WTIP: variants seen among roughly 807,000 people sequenced by gnomAD.
The protein encoded by WTIP is WT1 interacting protein.
A neutral mutation model predicts 41.7 loss-of-function variants in WTIP; 23 were observed. That is an observed-to-expected ratio of 0.55 (90% CI 0.40 to 0.78). WTIP has a LOEUF of 0.78. WTIP is among the 30% of genes least tolerant of loss of function. The pLI is 0.00. For missense variants in WTIP, 619 were observed against 610.5 expected (o/e 1.01, Z -0.15); for synonymous variants, 314 against 269.9 (o/e 1.16, Z -1.60).
Position 34,506,303 on chromosome 19 carries a change from G to T in WTIP, c.*6034G>T, listed in dbSNP as rs1462093633. On this transcript the variant is annotated 3_prime_UTR_variant, in exon 8 of 8. Transcript: ENST00000590071. Reference sequence around the variant, plus strand: ...CTGTCCTTCCACAGTGTGCACTGAGGGTGCAGGCCAAACCTTTTAAAGAAT... The same window carrying T: ...CTGTCCTTCCACAGTGTGCACTGAGTGTGCAGGCCAAACCTTTTAAAGAAT... The T allele has an allele frequency of 6.6e-6, 1 of 152,088 alleles. No homozygotes were observed. Among genetic ancestry groups the T allele is most frequent in the Non-Finnish European group, 1.5e-5 (1 of 68,018 alleles). The allele number at this position is 152,088 out of a possible 1,614,324, so 9.4% of individuals were successfully genotyped here. A position where few individuals can be genotyped will look rare whatever the true frequency, so the allele number is the denominator to read the frequency against.
intron 1 of WTIP, among the ~76,000 whole-genome samples, chr19:34,486,301 GGA>G (rs2075796851): frequency 6.6e-6 from 1 of 151,960 alleles, no homozygotes; most frequent in Non-Finnish European, 1.5e-5. Flanking sequence ...CAGGACTGTG[GGA>G]GGTTTGTCAT....
At position 34,482,611 on chromosome 19, in the gene WTIP, C is replaced by T; in HGVS notation, c.637C>T (p.Leu213Phe). 4.1e-6 allele frequency: 5 copies of T among 1,229,940 alleles called. No individual in the cohort carries two copies. Among genetic ancestry groups the T allele is most frequent in the Non-Finnish European group, 5.1e-6 (5 of 986,964 alleles). The allele number at this position is 1,229,940 out of a possible 1,614,324, so 76.2% of individuals were successfully genotyped here. The change falls in exon 1 of 8, where the codon CTC becomes TTC. Residue 213 changes from leucine (L) to phenylalanine (F), a missense_variant. Around this residue, in one of 3 missense-constraint regions of WTIP, gnomAD observed 363 missense variants for 309.0 expected, o/e 1.17. Transcript: ENST00000590071. Reference protein sequence around the residue: ...EALTRELERALEARTARDYFG... With the variant: ...EALTRELERAFEARTARDYFG... ...GCTCACCCGGGAGCTGGAGCGGGCGCTCGAGGCGCGCACGGCGCGGGACTA... is the reference window on the plus strand; with the variant it reads ...GCTCACCCGGGAGCTGGAGCGGGCGTTCGAGGCGCGCACGGCGCGGGACTA...
rs2075914362 is a variant in WTIP at position 34,506,953 on chromosome 19, G to A, written c.*6684G>A. Reference sequence around the variant, plus strand: ...TGTGTTCAGCCTGGCCGGGCGCGGTGGCTCACGCCTGTAATCCCAGCACTT... The same window carrying A: ...TGTGTTCAGCCTGGCCGGGCGCGGTAGCTCACGCCTGTAATCCCAGCACTT... On this transcript the variant is annotated 3_prime_UTR_variant, in exon 8 of 8. Coordinates refer to ENST00000590071, the MANE Select transcript of WTIP (RefSeq NM_001080436.2). 1.3e-5 allele frequency: 2 copies of A among 151,988 alleles called. No individual in the cohort carries two copies. Among genetic ancestry groups the A allele is most frequent in the South Asian group, 4.1e-4 (2 of 4,826 alleles). 9.4% of individuals were successfully genotyped at this position (151,988 alleles called of 1,614,324 possible).
chr19:34,493,650 G>A lies in WTIP; in HGVS notation c.1031+28G>A, dbSNP rs572309155. 22 of 1,612,168 alleles carry A rather than the reference G, an allele frequency of 1.4e-5. No individual in the cohort carries two copies. Among genetic ancestry groups the A allele is most frequent in the Non-Finnish European group, 1.7e-5 (20 of 1,179,400 alleles). On this transcript the variant is annotated intron_variant, in intron 5 of 7. Transcript: ENST00000590071. This position sits in a 1 kb window ranked among gnomAD's most constrained non-coding sequence, Gnocchi z 4.1. Reference sequence around the variant, plus strand: ...GAGTTGCTGGTGCTGTGGAGCAGGCGGGACTCGGGCCGTCCTCCCTGGCTC... The same window carrying A: ...GAGTTGCTGGTGCTGTGGAGCAGGCAGGACTCGGGCCGTCCTCCCTGGCTC...
chr19:34,483,218 C>T (rs1219399107), intron 1 of WTIP, among the ~76,000 whole-genome samples: 1 of 143,796 alleles, frequency 7.0e-6, no homozygotes, highest in Non-Finnish European at 1.5e-5. Context: ...GAGACAGAGT[C>T]TCCCTATGTT....
At chr19:34,483,183 CTTTTTT>C (rs10611262) in intron 1 of WTIP, among the ~76,000 whole-genome samples, 2 of 102,602 alleles carry the variant, frequency 1.9e-5, no homozygotes, top group African/African-American at 3.5e-5. Context: ...CTTCTTCTTA[CTTTTTT>C]TTTTTTTTTT....
chr19:34,489,597 C>T (rs989032064), intron 1 of WTIP, among the ~76,000 whole-genome samples: 10 of 149,966 alleles, frequency 6.7e-5, no homozygotes, highest in African/African-American at 2.5e-4. Context: ...TTCCCTCAGT[C>T]CAAGAGCAGG....
At position 34,500,291 on chromosome 19, in the gene WTIP, G is replaced by A; in HGVS notation, c.*22G>A. The A allele has an allele frequency of 6.3e-7, 1 of 1,587,952 alleles. No homozygotes were observed. Among genetic ancestry groups the A allele is most frequent in the Non-Finnish European group, 8.5e-7 (1 of 1,170,104 alleles). On this transcript the variant is annotated 3_prime_UTR_variant, in exon 8 of 8. Transcript: ENST00000590071. ...CTGAGCAGGGGAAAACCCGTCCCTG[G>A]GCCGGGGTGGGTGTGGGTGTGGAGG...
In WTIP at chr19:34,501,759, A is replaced by T. The variant is rs1468295969; in HGVS notation, c.*1490A>T. ...GCGCCACCTGGTGGGCTGAGCCGGC[A>T]AGTACAGGGGTGGTCAGGGAGCCTT... is the stretch of plus-strand genomic sequence containing the variant. On this transcript the variant is annotated 3_prime_UTR_variant, in exon 8 of 8. Coordinates refer to ENST00000590071, the MANE Select transcript of WTIP (RefSeq NM_001080436.2). 1 of 152,404 alleles carries T rather than the reference A, an allele frequency of 6.6e-6. No individual in the cohort carries two copies. The highest frequency in any genetic ancestry group is 6.5e-5 in the Admixed American group (1 of 15,288). 9.4% of individuals were successfully genotyped at this position (152,404 alleles called of 1,614,324 possible). A position where few individuals can be genotyped will look rare whatever the true frequency, so the allele number is the denominator to read the frequency against.
At chr19:34,483,443 G>A (rs529500891) in intron 1 of WTIP, among the ~76,000 whole-genome samples, 24 of 152,300 alleles carry the variant, frequency 1.6e-4, no homozygotes, top group Non-Finnish European at 2.4e-4. Context: ...GACAGCAACC[G>A]GGAGATGGAG....
chr19:34,486,935 A>T (rs1239684002), intron 1 of WTIP, among the ~76,000 whole-genome samples: 1 of 145,712 alleles, frequency 6.9e-6, no homozygotes, highest in African/African-American at 2.5e-5. Context: ...TTTCTTTTTA[A>T]TTTTTTTTTT....
At position 34,507,794 on chromosome 19, in the gene WTIP, C is replaced by A. The variant is rs1427408211; in HGVS notation, c.*7525C>A. ...GGTTATTTCACAGAGGAAGCCCGAG[C>A]TCCCTGCTGAAGATGATAAATGATG... On this transcript the variant is annotated 3_prime_UTR_variant, in exon 8 of 8. Coordinates refer to ENST00000590071, the MANE Select transcript of WTIP (RefSeq NM_001080436.2). 2.6e-5 allele frequency: 4 copies of A among 152,260 alleles called. No homozygotes were observed. Among genetic ancestry groups the A allele is most frequent in the African/African-American group, 9.7e-5 (4 of 41,438 alleles). 9.4% of individuals were successfully genotyped at this position (152,260 alleles called of 1,614,324 possible).
intron 6 of WTIP, 65 bp downstream of exon 6, chr19:34,494,702 T>C (rs1599959042): frequency 6.4e-7 from 1 of 1,558,442 alleles, no homozygotes; most frequent in African/African-American, 1.4e-5. Flanking sequence ...CTGTCTAGCC[T>C]GGGTCTAGCC....
rs929454921 is a variant in WTIP at position 34,482,533 on chromosome 19, C to T, written c.559C>T (p.Leu187=). 1 of 1,229,240 alleles carries T rather than the reference C, an allele frequency of 8.1e-7. No homozygotes were observed. The highest frequency in any genetic ancestry group is 3.9e-5 in the South Asian group (1 of 25,636). 76.1% of individuals were successfully genotyped at this position (1,229,240 alleles called of 1,614,324 possible). Reference sequence around the variant, plus strand: ...TCCCTTCCCGCTGCCTGCACTCCCGCTGCCCCCTGGCCGGGAGGGCGGCCC... The same window carrying T: ...TCCCTTCCCGCTGCCTGCACTCCCGTTGCCCCCTGGCCGGGAGGGCGGCCC... The part of the protein sequence containing the change: ...PAPFPLPALP[L]PPGREGGPSA... The change falls in exon 1 of 8, where the codon CTG becomes TTG. Residue 187 remains leucine (L), a synonymous_variant. Coordinates refer to ENST00000590071, the MANE Select transcript of WTIP (RefSeq NM_001080436.2).
chr19:34,490,516 A>G, intron 2 of WTIP, 39 bp downstream of exon 2: 2 of 1,544,918 alleles, frequency 1.3e-6, no homozygotes, highest in South Asian at 1.2e-5. Flanking sequence ...TGTGAAGGGG[A>G]CCTGCCACAT....
chr19:34,484,658 G>A (rs1031105040), intron 1 of WTIP, among the ~76,000 whole-genome samples: 1 of 152,152 alleles, frequency 6.6e-6, no homozygotes, highest in African/African-American at 2.4e-5. Flanking sequence ...GGGGGAGGGG[G>A]GTGTTCTGTA....
In WTIP at chr19:34,493,120, G is replaced by A. The variant is rs1253477896; in HGVS notation, c.837+16G>A. The A allele has an allele frequency of 6.2e-7, 1 of 1,613,958 alleles. No individual in the cohort carries two copies. On this transcript the variant is annotated intron_variant, in intron 3 of 7. Coordinates refer to ENST00000590071, the MANE Select transcript of WTIP (RefSeq NM_001080436.2). This position sits in a 1 kb window ranked among gnomAD's most constrained non-coding sequence, Gnocchi z 4.1. ...GGACTTCCTGGTGAGTCCAAGCTGT[G>A]CCCTGGCAGTGCCAGGGGTGGGAGG...
Position 34,482,072 on chromosome 19 carries a change from G to C in WTIP, c.98G>C (p.Gly33Ala), listed in dbSNP as rs1370643922. ...CCCGGGTGCGGCTCTCCCGGTCGGG[G>C]GCGGCGGGGGCCGCGGCCTGGGCCT... The part of the protein sequence containing the change: ...LEPGCGSPGR[G>A]RRGPRPGPGD... Residue 33 changes from glycine (G) to alanine (A), a missense_variant, in exon 1 of 8, where the codon GGG (glycine) becomes GCG (alanine). Coordinates refer to ENST00000590071, the MANE Select transcript of WTIP (RefSeq NM_001080436.2). 2 of 1,035,632 alleles carry C rather than the reference G, an allele frequency of 1.9e-6. No individual in the cohort carries two copies. The highest frequency in any genetic ancestry group is 1.1e-4 in the Admixed American group (2 of 17,556). 64.2% of individuals were successfully genotyped at this position (1,035,632 alleles called of 1,614,324 possible).
chr19:34,488,204 T>C (rs1026396193), intron 1 of WTIP, among the ~76,000 whole-genome samples: 2 of 152,054 alleles, frequency 1.3e-5, no homozygotes, highest in Non-Finnish European at 2.9e-5. Flanking sequence ...GCCTCCCAAG[T>C]AGCTGGAATT....
Sources: allele counts gnomAD v4.1 joint callset (sites outside exome capture counted in the v4.1 genomes callset), GRCh38; gene constraint gnomAD v4.1.1; regional missense constraint gnomAD v4.1.1; non-coding constraint Gnocchi (gnomAD v3.1); transcripts MANE v1.5; gene names NCBI Gene and HGNC (gene_info 2026-07-23, HGNC 2026-07-21).